FGF12: variants seen among roughly 807,000 people sequenced by gnomAD.
The protein encoded by FGF12 is fibroblast growth factor 12B.
A neutral mutation model predicts 23.6 loss-of-function variants in FGF12; 14 were observed. That is an observed-to-expected ratio of 0.59 (90% CI 0.39 to 0.93). The LOEUF is 0.93. FGF12 is among the 40% of genes least tolerant of loss of function. The pLI is 0.00. For synonymous variants in FGF12, 62 were observed against 77.3 expected (o/e 0.80, Z 1.04); for missense variants, 175 against 217.8 (o/e 0.80, Z 1.24).
chr3:192,631,857 G>T (rs898600888), intron 2 of FGF12, among the ~76,000 whole-genome samples: 2 of 152,216 alleles, frequency 1.3e-5, no homozygotes, highest in African/African-American at 4.8e-5. Context: ...TGTGGGTGCT[G>T]CCTGGGGTCT....
At chr3:192,437,227 C>T (rs1228363313) in intron 2 of FGF12, among the ~76,000 whole-genome samples, 1 of 152,138 alleles carries the variant, frequency 6.6e-6, no homozygotes, top group East Asian at 1.9e-4. Flanking sequence ...CAAAAAAATA[C>T]TAACAATACC....
intron 4 of FGF12, among the ~76,000 whole-genome samples, chr3:192,307,687 G>A (rs541096253): frequency 2.7e-4 from 41 of 152,334 alleles, no homozygotes; most frequent in African/African-American, 9.1e-4. Flanking sequence ...AGATAGGCAA[G>A]CTTGGACCCC....
chr3:192,140,441 C>T lies in FGF12; in HGVS notation c.*3568G>A, dbSNP rs373113245. ...AAGGTATGAGGGTGAAATCGATTTG[C>T]TATTTCTGGGTCTATGTTTTTAAAA... On this transcript the variant is annotated 3_prime_UTR_variant, in exon 6 of 6. Coordinates refer to ENST00000445105, the MANE Select transcript of FGF12 (RefSeq NM_004113.6). The T allele has an allele frequency of 7.2e-5, 11 of 152,070 alleles. No individual in the cohort carries two copies. The highest frequency in any genetic ancestry group is 2.6e-4 in the African/African-American group (11 of 41,540). The allele number at this position is 152,070 out of a possible 1,614,324, so 9.4% of individuals were successfully genotyped here. A position where few individuals can be genotyped will look rare whatever the true frequency, so the allele number is the denominator to read the frequency against.
intron 4 of FGF12, among the ~76,000 whole-genome samples, chr3:192,206,479 C>T (rs1053769383): frequency 1.4e-4 from 22 of 152,118 alleles, no homozygotes; most frequent in Admixed American, 3.9e-4. Flanking sequence ...CAAAACAAAG[C>T]GTAATAGGTT....
chr3:192,298,093 G>A (rs1229496787), intron 4 of FGF12, among the ~76,000 whole-genome samples: 1 of 152,190 alleles, frequency 6.6e-6, no homozygotes, highest in Non-Finnish European at 1.5e-5. Context: ...ATGGCACACA[G>A]CAATCACTAG....
At chr3:192,613,851 C>T (rs1252446222) in intron 2 of FGF12, among the ~76,000 whole-genome samples, 1 of 151,792 alleles carries the variant, frequency 6.6e-6, no homozygotes, top group Non-Finnish European at 1.5e-5. Context: ...AGTAATTATG[C>T]ATAAGATCCT....
intron 2 of FGF12, among the ~76,000 whole-genome samples, chr3:192,392,968 A>G (rs3109181): frequency 0.57 from 87,264 of 152,054 alleles, 26,074 homozygotes; most frequent in African/African-American, 0.75. Flanking sequence ...ACCTATATGC[A>G]GGATAGAGCA....
chr3:192,596,305 C>T (rs1020534886), intron 2 of FGF12, among the ~76,000 whole-genome samples: 6 of 151,768 alleles, frequency 4.0e-5, no homozygotes, highest in African/African-American at 1.2e-4. Flanking sequence ...TGTTTGTCTA[C>T]ATTTTAACTT....
At chr3:192,357,249 C>T (rs1468282456) in intron 3 of FGF12, among the ~76,000 whole-genome samples, 3 of 151,930 alleles carry the variant, frequency 2.0e-5, no homozygotes, top group South Asian at 2.1e-4. Flanking sequence ...TTTGGGAGGC[C>T]GAGGCGGGTG....
chr3:192,193,985 T>C (rs549877366), intron 4 of FGF12, among the ~76,000 whole-genome samples: 1 of 152,172 alleles, frequency 6.6e-6, no homozygotes, highest in South Asian at 2.1e-4. Context: ...GTAGAAAAAA[T>C]AAAAGCAATA....
At chr3:192,720,879 G>A (rs551525491) in intron 2 of FGF12, among the ~76,000 whole-genome samples, 1 of 152,288 alleles carries the variant, frequency 6.6e-6, no homozygotes, top group Admixed American at 6.5e-5. Context: ...ATTACAGGAT[G>A]TCTGGTGGTT....
At chr3:192,652,359 C>G (rs967123757) in intron 2 of FGF12, among the ~76,000 whole-genome samples, 1 of 152,066 alleles carries the variant, frequency 6.6e-6, no homozygotes, top group Non-Finnish European at 1.5e-5. Context: ...AATGACAGCC[C>G]GGATGGATGA....
chr3:192,693,797 G>A (rs556599930), intron 2 of FGF12, among the ~76,000 whole-genome samples: 1 of 152,156 alleles, frequency 6.6e-6, no homozygotes, highest in East Asian at 1.9e-4. Flanking sequence ...ACTCCTAGAA[G>A]AATACATGTG....
intron 2 of FGF12, among the ~76,000 whole-genome samples, chr3:192,607,074 T>A (rs1251872563): frequency 6.6e-6 from 1 of 152,168 alleles, no homozygotes; most frequent in Non-Finnish European, 1.5e-5. Flanking sequence ...TTACCATTTA[T>A]GCTCTGACTG....
intron 2 of FGF12, among the ~76,000 whole-genome samples, chr3:192,634,288 G>A (rs1715501185): frequency 6.6e-6 from 1 of 151,594 alleles, no homozygotes; most frequent in Non-Finnish European, 1.5e-5. Context: ...ACCAAATGCA[G>A]ATCGAAAATA....
At chr3:192,158,324 CTT>C (rs199923268) in intron 5 of FGF12, among the ~76,000 whole-genome samples, 6 of 122,392 alleles carry the variant, frequency 4.9e-5, no homozygotes, top group East Asian at 2.5e-4. Context: ...CTCTTTCTTT[CTT>C]TCTTTCTCTT....
intron 4 of FGF12, among the ~76,000 whole-genome samples, chr3:192,309,930 T>C (rs1293803793): frequency 6.6e-6 from 1 of 152,240 alleles, no homozygotes; most frequent in Non-Finnish European, 1.5e-5. Flanking sequence ...CTTCTTCTTT[T>C]ACTCTTTTTT....
At chr3:192,321,495 C>CA (rs34526901) in intron 4 of FGF12, among the ~76,000 whole-genome samples, 21,688 of 109,460 alleles carry the variant, frequency 0.2, 1,804 homozygotes, top group East Asian at 0.33. Context: ...TAAAGACATT[C>CA]AAAAAAAAAA....
intron 2 of FGF12, among the ~76,000 whole-genome samples, chr3:192,424,709 G>T (rs1332667185): frequency 6.6e-6 from 1 of 152,074 alleles, no homozygotes; most frequent in African/African-American, 2.4e-5. Context: ...GCCACAGGAG[G>T]AGAGTCTATA....
Sources: allele counts gnomAD v4.1 joint callset (sites outside exome capture counted in the v4.1 genomes callset), GRCh38; gene constraint gnomAD v4.1.1; transcripts MANE v1.5; gene names NCBI Gene and HGNC (gene_info 2026-07-23, HGNC 2026-07-21).